Variants in FBXL4 observed in about 807,000 individuals in gnomAD.
FBXL4 encodes F-box/LRR-repeat protein 4.
In FBXL4, 40 loss-of-function variants were observed where a neutral mutation model predicts 58.9. The observed-to-expected ratio is 0.68, with a 90% CI of 0.53 to 0.88. The LOEUF (loss-of-function observed/expected upper bound fraction) is 0.88. FBXL4 is among the 40% of genes least tolerant of loss of function. The probability of loss-of-function intolerance (pLI) is 0.00; values close to 1 mark genes in which losing one functional copy is unlikely to be tolerated. For missense variants in FBXL4, 676 were observed against 734.4 expected (o/e 0.92, Z 0.92); for synonymous variants, 263 against 265.5 (o/e 0.99, Z 0.09).
chr6:98,931,373 T>C (rs1773005218), intron 2 of FBXL4, among the ~76,000 whole-genome samples: 1 of 152,238 alleles, frequency 6.6e-6, no homozygotes, highest in Non-Finnish European at 1.5e-5. Flanking sequence ...TGAGGCAACA[T>C]ATGTAAAAGT....
At chr6:98,891,813 C>A (rs1771239441) in intron 7 of FBXL4, among the ~76,000 whole-genome samples, 2 of 152,056 alleles carry the variant, frequency 1.3e-5, no homozygotes, top group Admixed American at 1.3e-4. Flanking sequence ...GACATGCCAA[C>A]TGTGAGAGGA....
chr6:98,897,308 C>T (rs1310113525), intron 7 of FBXL4: 2 of 985,066 alleles, frequency 2.0e-6, no homozygotes, highest in Non-Finnish European at 2.4e-6. Context: ...CAATTTTATA[C>T]CCACACAAAT....
intron 6 of FBXL4, among the ~76,000 whole-genome samples, chr6:98,901,204 G>A (rs1771597755): frequency 6.6e-6 from 1 of 152,068 alleles, no homozygotes; most frequent in South Asian, 2.1e-4. Flanking sequence ...TGTCAAGGAT[G>A]GACAGAGTAG....
At chr6:98,902,394 G>T (rs1562228821) in intron 6 of FBXL4, among the ~76,000 whole-genome samples, 1 of 151,892 alleles carries the variant, frequency 6.6e-6, no homozygotes, top group African/African-American at 2.4e-5. Context: ...TAGAAAGAAG[G>T]GAAAAGAACA....
chr6:98,930,998 GCTA>G (rs1408452292), intron 2 of FBXL4, among the ~76,000 whole-genome samples: 1 of 152,152 alleles, frequency 6.6e-6, no homozygotes, highest in African/African-American at 2.4e-5. Context: ...TGACAAATCA[GCTA>G]ATTTAGAAGA....
intron 6 of FBXL4, 28 bp downstream of exon 6, chr6:98,905,398 A>C: frequency 1.9e-6 from 3 of 1,605,332 alleles, no homozygotes; most frequent in Non-Finnish European, 2.6e-6. Context: ...TGGGGGGGAA[A>C]AAAACTTCAT....
intron 5 of FBXL4, 23 bp from the exon 6 acceptor site, chr6:98,905,693 GATC>G (rs1339675758): frequency 6.2e-7 from 1 of 1,606,868 alleles, no homozygotes; most frequent in South Asian, 1.1e-5. Flanking sequence ...GAGAAACCAA[GATC>G]ATCAAGAGTG....
rs939669714 is a variant in FBXL4 at position 98,871,168 on chromosome 6, C to A, written c.*3110G>T. 2.6e-5 allele frequency: 4 copies of A among 151,760 alleles called. No homozygotes were observed. The highest frequency in any genetic ancestry group is 9.7e-5 in the African/African-American group (4 of 41,334). The allele number at this position is 151,760 out of a possible 1,614,324, so 9.4% of individuals were successfully genotyped here. ...TTAACCAAGCAAGGAAAACATTTTA[C>A]TAACGATAACTAAATTGTGTTTGAT... On this transcript the variant is annotated 3_prime_UTR_variant, in exon 10 of 10. Coordinates refer to ENST00000369244, the MANE Select transcript of FBXL4 (RefSeq NM_001278716.2).
intron 7 of FBXL4, among the ~76,000 whole-genome samples, chr6:98,885,302 A>T (rs12110362): frequency 0.16 from 24,228 of 152,096 alleles, 2,320 homozygotes; most frequent in East Asian, 0.47. Context: ...GGGTTTCACC[A>T]TGTTGGCCAG....
intron 2 of FBXL4, among the ~76,000 whole-genome samples, chr6:98,931,484 TATTTA>T (rs1487713685): frequency 6.6e-6 from 1 of 152,184 alleles, no homozygotes; most frequent in Non-Finnish European, 1.5e-5. Context: ...ATAAAAATAA[TATTTA>T]ATGCTAATTT....
Position 98,926,499 on chromosome 6 carries a change from G to C in FBXL4, c.490C>G (p.Pro164Ala). 1 of 1,608,072 alleles carries C rather than the reference G, an allele frequency of 6.2e-7. No homozygotes were observed. Among genetic ancestry groups the C allele is most frequent in the Non-Finnish European group, 8.5e-7 (1 of 1,175,656 alleles). Residue 164 changes from proline (P) to alanine (A), a missense_variant, in exon 4 of 10, where the codon CCA (proline) becomes GCA (alanine). Pro to Ala is a conservative substitution (Grantham distance 27). Coordinates refer to ENST00000369244, the MANE Select transcript of FBXL4 (RefSeq NM_001278716.2). ...TACCTTACTTCAGCTGGTGGATTTG[G>C]GGAATAAGGATTTGCAGAACAAGCG... ...ILACSANPYSPNPPAEVRWEI... is the reference protein window; with the variant it reads ...ILACSANPYSANPPAEVRWEI...
chr6:98,913,012 G>A (rs1410185371), intron 5 of FBXL4, among the ~76,000 whole-genome samples: 1 of 151,778 alleles, frequency 6.6e-6, no homozygotes, highest in Non-Finnish European at 1.5e-5. Context: ...ACAAAAAAAG[G>A]CAGGGGTTGC....
intron 1 of FBXL4, among the ~76,000 whole-genome samples, chr6:98,936,518 C>T (rs769805996): frequency 1.3e-5 from 2 of 152,200 alleles, no homozygotes; most frequent in African/African-American, 4.8e-5. Context: ...CATCCTCTTC[C>T]TCCCTCTTAG....
At chr6:98,896,064 T>C (rs1771398650) in intron 7 of FBXL4, among the ~76,000 whole-genome samples, 1 of 152,166 alleles carries the variant, frequency 6.6e-6, no homozygotes, top group African/African-American at 2.4e-5. Context: ...ACTAAAATTA[T>C]TATCTTCTTT....
intron 2 of FBXL4, among the ~76,000 whole-genome samples, chr6:98,932,333 T>G (rs1170288957): frequency 6.6e-6 from 1 of 152,212 alleles, no homozygotes; most frequent in Non-Finnish European, 1.5e-5. Flanking sequence ...ACAACAGCCA[T>G]TTTAACTTGT....
intron 5 of FBXL4, among the ~76,000 whole-genome samples, chr6:98,908,556 T>G (rs1771904676): frequency 2.6e-5 from 4 of 152,172 alleles, no homozygotes; most frequent in Admixed American, 2.0e-4. Flanking sequence ...TTAGAAGTTT[T>G]GATGCAAGTG....
Position 98,917,393 on chromosome 6 carries a change from A to C in FBXL4, c.839T>G (p.Phe280Cys). 6.2e-7 allele frequency: 1 copy of C among 1,607,330 alleles called. No homozygotes were observed. Among genetic ancestry groups the C allele is most frequent in the Non-Finnish European group, 8.5e-7 (1 of 1,176,400 alleles). ...VLGEGPNNGY[F>C]DKLPYELIQL... Reference sequence around the variant, plus strand: ...GCTTACCTCATAAGGTAGTTTATCAAAATACCCATTATTTGGCCCTTCCCC... The same window carrying C: ...GCTTACCTCATAAGGTAGTTTATCACAATACCCATTATTTGGCCCTTCCCC... Residue 280 changes from phenylalanine (F) to cysteine (C), a missense_variant, in exon 5 of 10, where the codon TTT (phenylalanine) becomes TGT (cysteine). Coordinates refer to ENST00000369244, the MANE Select transcript of FBXL4 (RefSeq NM_001278716.2).
At chr6:98,877,980 A>G (rs1437536438) in intron 8 of FBXL4, among the ~76,000 whole-genome samples, 1 of 152,232 alleles carries the variant, frequency 6.6e-6, no homozygotes, top group Non-Finnish European at 1.5e-5. Context: ...CAGGTGAGAC[A>G]CTGCTCCTCA....
chr6:98,890,185 A>G (rs948221708), intron 7 of FBXL4, among the ~76,000 whole-genome samples: 12 of 152,186 alleles, frequency 7.9e-5, no homozygotes, highest in African/African-American at 2.9e-4. Flanking sequence ...TATCTTTAAT[A>G]AAGAATGTAA....
Sources: gnomAD v4.1 joint callset for allele counts (sites outside exome capture counted in the v4.1 genomes callset) on GRCh38, gnomAD v4.1.1 for gene constraint, MANE v1.5 for transcripts, NCBI Gene and HGNC (gene_info 2026-07-23, HGNC 2026-07-21) for gene names.